Variants in SDK1 observed in about 807,000 individuals in gnomAD.
SDK1 encodes the protein sidekick cell adhesion molecule 1.
In SDK1, 157 loss-of-function variants were observed where a neutral mutation model predicts 245.5. That is an observed-to-expected ratio of 0.64 (90% CI 0.56 to 0.73). The LOEUF (loss-of-function observed/expected upper bound fraction) is 0.73, where lower values mean the gene tolerates loss of function less well. SDK1 is among the 30% of genes least tolerant of loss of function. SDK1 has a pLI of 0.00. For missense variants in SDK1, 3,583 were observed against 3,002.3 expected (o/e 1.19, Z -4.52); for synonymous variants, 1,647 against 1,278.5 (o/e 1.29, Z -6.15).
intron 1 of SDK1, among the ~76,000 whole-genome samples, chr7:3,345,797 T>G (rs896160392): frequency 6.6e-6 from 1 of 152,200 alleles, no homozygotes; most frequent in African/African-American, 2.4e-5. Flanking sequence ...TTTGAGATTT[T>G]TCATATTGAA....
chr7:3,305,025 C>G (rs1779381206), intron 1 of SDK1, among the ~76,000 whole-genome samples: 1 of 152,202 alleles, frequency 6.6e-6, no homozygotes, highest in Non-Finnish European at 1.5e-5. Flanking sequence ...CCTTTCATGC[C>G]TTCCTGGGCT....
Position 3,974,434 on chromosome 7 carries a change from A to G in SDK1, c.1883A>G (p.Lys628Arg), listed in dbSNP as rs773790156. The G allele has an allele frequency of 6.8e-6, 11 of 1,614,154 alleles. No homozygotes were observed. The highest frequency in any genetic ancestry group is 1.3e-5 in the African/African-American group (1 of 75,034). ...AGCACGTCTAGGATCGTGGTGGAGA[A>G]GGACGGGTCCCTTCTCATCAGCCAG... ...PSSTSRIVVE[K>R]DGSLLISQTW... Residue 628 changes from lysine (K) to arginine (R), a missense_variant, in exon 13 of 45, where the codon AAG (lysine) becomes AGG (arginine). By Grantham distance (26) the Lys-to-Arg change is conservative. Coordinates refer to ENST00000404826, the MANE Select transcript of SDK1 (RefSeq NM_152744.4).
chr7:3,777,553 C>T (rs1005110401), intron 4 of SDK1, among the ~76,000 whole-genome samples: 1 of 152,184 alleles, frequency 6.6e-6, no homozygotes, highest in Non-Finnish European at 1.5e-5. Flanking sequence ...CAGCATTCCT[C>T]CTGATGTGCC....
intron 5 of SDK1, among the ~76,000 whole-genome samples, chr7:3,875,445 C>G (rs6956479): frequency 0.31 from 47,223 of 152,104 alleles, 9,546 homozygotes; most frequent in African/African-American, 0.58. Context: ...CCCCAGATCA[C>G]AAATTAAACT....
intron 1 of SDK1, among the ~76,000 whole-genome samples, chr7:3,378,894 A>C (rs773575683): frequency 6.6e-6 from 1 of 151,958 alleles, no homozygotes; most frequent in African/African-American, 2.4e-5. Context: ...AGGACCTCTC[A>C]TCGGAGAGTT....
In SDK1 at chr7:4,120,260, A is replaced by G. The variant is rs1329258410; in HGVS notation, c.3823+5986A>G. Among the ~76,000 whole-genome samples the G allele has an allele frequency of 3.3e-5, 5 of 149,264 alleles. 2 individuals carry two copies. Among genetic ancestry groups the G allele is most frequent in the Non-Finnish European group, 7.5e-5 (5 of 66,812 alleles). On this transcript the variant is annotated intron_variant, in intron 25 of 44. Coordinates refer to ENST00000404826, the MANE Select transcript of SDK1 (RefSeq NM_152744.4). Reference sequence around the variant, plus strand: ...CCAGGGTTGATGGAAAGCATTATTTACAAGACTGAAGAAACACCAATCCCG... The same window carrying G: ...CCAGGGTTGATGGAAAGCATTATTTGCAAGACTGAAGAAACACCAATCCCG...
At chr7:3,496,161 G>T (rs866197379) in intron 1 of SDK1, among the ~76,000 whole-genome samples, 2 of 152,048 alleles carry the variant, frequency 1.3e-5, no homozygotes, top group African/African-American at 4.8e-5. Context: ...TAACTTCTCT[G>T]TCACTGCTGC....
At chr7:3,845,439 G>A (rs895737394) in intron 5 of SDK1, among the ~76,000 whole-genome samples, 3 of 140,532 alleles carry the variant, frequency 2.1e-5, no homozygotes, top group Admixed American at 7.4e-5. Context: ...GCAGTGAGCC[G>A]AGATCGCGCC....
At chr7:3,610,924 C>G (rs1188940464) in intron 1 of SDK1, among the ~76,000 whole-genome samples, 1 of 152,212 alleles carries the variant, frequency 6.6e-6, no homozygotes, top group Non-Finnish European at 1.5e-5. Flanking sequence ...GAAAATCCCA[C>G]ACTTGTTAGT....
At chr7:3,445,584 A>G (rs1052302543) in intron 1 of SDK1, among the ~76,000 whole-genome samples, 1 of 152,214 alleles carries the variant, frequency 6.6e-6, no homozygotes, top group African/African-American at 2.4e-5. Context: ...GGTTGCTCCT[A>G]ATGGATATTG....
chr7:3,873,260 T>G (rs183728313), intron 5 of SDK1, among the ~76,000 whole-genome samples: 35 of 152,280 alleles, frequency 2.3e-4, no homozygotes, highest in African/African-American at 7.9e-4. Flanking sequence ...TTGATGTAAT[T>G]CCACTGTTTT....
intron 5 of SDK1, among the ~76,000 whole-genome samples, chr7:3,908,555 C>T (rs916148194): frequency 1.3e-5 from 2 of 152,148 alleles, no homozygotes; most frequent in Non-Finnish European, 2.9e-5. Flanking sequence ...TATTCTGATG[C>T]TTAGCCCATC....
intron 1 of SDK1, among the ~76,000 whole-genome samples, chr7:3,502,597 G>A (rs1782252423): frequency 6.6e-6 from 1 of 152,136 alleles, no homozygotes; most frequent in Non-Finnish European, 1.5e-5. Context: ...AAGCATGATT[G>A]CACATACAAA....
intron 4 of SDK1, among the ~76,000 whole-genome samples, chr7:3,747,086 T>C (rs2115059653): frequency 6.6e-6 from 1 of 152,344 alleles, no homozygotes; most frequent in Non-Finnish European, 1.5e-5. Flanking sequence ...AACATTCATC[T>C]CCATGAGAAC....
chr7:3,480,157 G>T (rs919560893), intron 1 of SDK1, among the ~76,000 whole-genome samples: 1 of 152,324 alleles, frequency 6.6e-6, no homozygotes, highest in South Asian at 2.1e-4. Flanking sequence ...GGTGGGTCCA[G>T]TATAATCACA....
chr7:3,983,981 G>A lies in SDK1; in HGVS notation c.1995-3205G>A, dbSNP rs764491875. On this transcript the variant is annotated intron_variant, in intron 13 of 44. Coordinates refer to ENST00000404826, the MANE Select transcript of SDK1 (RefSeq NM_152744.4). ...GTAGCTCTTGCCGCCTACACTAAAC[G>A]CCTCAAGACTAGTTTGCTTTCTAAG... Among the ~76,000 whole-genome samples the A allele has an allele frequency of 6.7e-4, 102 of 152,212 alleles. No homozygotes were observed. The Middle Eastern group carries it at 0.01, about 15-fold the overall frequency.
rs748949012 is a variant in SDK1 at position 4,026,783 on chromosome 7, T to A, written c.2602+9431T>A. Among the ~76,000 whole-genome samples, 2 of 152,160 alleles carry A rather than the reference T, an allele frequency of 1.3e-5. No individual in the cohort carries two copies. The highest frequency in any genetic ancestry group is 2.9e-5 in the Non-Finnish European group (2 of 68,036). ...CCATAACAACGCGAGAACTCAGCCG[T>A]GGCCCATAACAATCTGGAATTAACG... On this transcript the variant is annotated intron_variant, in intron 17 of 44. Coordinates refer to ENST00000404826, the MANE Select transcript of SDK1 (RefSeq NM_152744.4). The surrounding 1 kb of genome is among the most constrained non-coding windows in gnomAD (Gnocchi z 4.1).
intron 14 of SDK1, among the ~76,000 whole-genome samples, chr7:4,005,280 C>T (rs925533232): frequency 7.9e-5 from 12 of 151,660 alleles, no homozygotes; most frequent in African/African-American, 2.4e-4. Flanking sequence ...CTCTTGACGT[C>T]GTGATCCACC....
intron 22 of SDK1, among the ~76,000 whole-genome samples, chr7:4,100,480 T>C (rs912286984): frequency 2.6e-5 from 4 of 151,948 alleles, no homozygotes; most frequent in Admixed American, 2.6e-4. Flanking sequence ...CCCCAATTCC[T>C]GTGCTGAAAT....
Sources: allele counts gnomAD v4.1 joint callset (sites outside exome capture counted in the v4.1 genomes callset), GRCh38; gene constraint gnomAD v4.1.1; non-coding constraint Gnocchi (gnomAD v3.1); transcripts MANE v1.5; gene names NCBI Gene and HGNC (gene_info 2026-07-23, HGNC 2026-07-21).